Variants in MED13L observed in about 807,000 individuals in gnomAD.
The protein encoded by MED13L is mediator complex subunit 13L.
In MED13L, 7 loss-of-function variants were observed where a neutral mutation model predicts 220.9. The observed-to-expected ratio is 0.03, with a 90% CI of 0.02 to 0.06. The LOEUF (loss-of-function observed/expected upper bound fraction) is 0.06. Among genes scored for constraint, MED13L ranks in the 10% least tolerant of loss-of-function variants. The pLI is 1.00. For missense variants in MED13L, 1,965 were observed against 2,760.5 expected, an observed-to-expected ratio of 0.71 and a Z score of 6.46; for synonymous variants, 1,011 against 1,015.2, an observed-to-expected ratio of 1.00 and a Z score of 0.08.
chr12:116,056,809 C>T (rs1174223939), intron 4 of MED13L, among the ~76,000 whole-genome samples: 3 of 152,072 alleles, frequency 2.0e-5, no homozygotes, highest in East Asian at 3.9e-4. Flanking sequence ...TGCTCTAATT[C>T]AAATTGCTCT....
Position 116,007,654 on chromosome 12 carries a change from A to C in MED13L, c.2013-18T>G. 6.3e-7 allele frequency: 1 copy of C among 1,581,580 alleles called. No individual in the cohort carries two copies. Among genetic ancestry groups the C allele is most frequent in the Non-Finnish European group, 8.6e-7 (1 of 1,164,874 alleles). ...CTAAGAGTCTAAAAGACAAAAAAAAAAAAAAAAAAAAGAGCATTTATGCCT... is the reference window on the plus strand; with the variant it reads ...CTAAGAGTCTAAAAGACAAAAAAAACAAAAAAAAAAAGAGCATTTATGCCT... On this transcript the variant is annotated intron_variant, in intron 10 of 30. Transcript: ENST00000281928.
At chr12:116,052,102 C>CAT (rs1491047381) in intron 4 of MED13L, among the ~76,000 whole-genome samples, 1 of 149,800 alleles carries the variant, frequency 6.7e-6, no homozygotes, top group Non-Finnish European at 1.5e-5. Context: ...CACACACACA[C>CAT]ATAAAACTAT....
chr12:116,139,752 C>T (rs927583466), intron 2 of MED13L, among the ~76,000 whole-genome samples: 3 of 151,890 alleles, frequency 2.0e-5, no homozygotes, highest in Non-Finnish European at 4.4e-5. Flanking sequence ...GCCAGTACTC[C>T]TGAGGTCAGG....
intron 23 of MED13L, among the ~76,000 whole-genome samples, chr12:115,978,326 CTTTTTTTTT>C (rs60887652): frequency 3.4e-4 from 45 of 132,182 alleles, no homozygotes; most frequent in Admixed American, 5.3e-4. Flanking sequence ...AATTTTTTTT[CTTTTTTTTT>C]TTTTTTTTGG....
At chr12:116,003,222 A>G in intron 13 of MED13L, 120 bp from the exon 14 acceptor site, 4 of 795,162 alleles carry the variant, frequency 5.0e-6, no homozygotes, top group Non-Finnish European at 8.6e-6. Context: ...TACCAGGTGA[A>G]CCTCTAGAAA....
chr12:116,254,060 C>T (rs1404111292), intron 1 of MED13L, among the ~76,000 whole-genome samples: 1 of 151,934 alleles, frequency 6.6e-6, no homozygotes, highest in African/African-American at 2.4e-5. Context: ...GCCACTTTCA[C>T]GGTATTTTAA....
chr12:116,251,307 CCTT>C, intron 1 of MED13L, among the ~76,000 whole-genome samples: 1 of 111,860 alleles, frequency 8.9e-6, no homozygotes, highest in South Asian at 3.3e-4. Context: ...CATCATGGAT[CCTT>C]TTTTTTTTTT....
chr12:116,085,750 T>TCACACACACACACA (rs201331780), intron 4 of MED13L, among the ~76,000 whole-genome samples: 1 of 100,060 alleles, frequency 1.0e-5, no homozygotes. Context: ...AAGATTAAAA[T>TCACACACACACACA]CACTCACACA....
chr12:116,251,421 A>G (rs1442475716), intron 1 of MED13L, among the ~76,000 whole-genome samples: 1 of 142,428 alleles, frequency 7.0e-6, no homozygotes, highest in East Asian at 2.1e-4. Flanking sequence ...CGGTCTCCCA[A>G]AGTGCTGGGA....
chr12:116,022,347 T>C, intron 5 of MED13L, 109 bp downstream of exon 5: 1 of 1,323,590 alleles, frequency 7.6e-7, no homozygotes, highest in Non-Finnish European at 1.1e-6. Flanking sequence ...TATGCTTAGC[T>C]TTAAAATGTC....
chr12:116,121,356 G>GA (rs1281414403), intron 2 of MED13L, among the ~76,000 whole-genome samples: 1 of 151,944 alleles, frequency 6.6e-6, no homozygotes, highest in Non-Finnish European at 1.5e-5. Flanking sequence ...TTATTTGAAA[G>GA]AAAAAACATA....
intron 2 of MED13L, among the ~76,000 whole-genome samples, chr12:116,235,761 G>A (rs764665212): frequency 1.3e-5 from 2 of 152,132 alleles, no homozygotes; most frequent in East Asian, 1.9e-4. Flanking sequence ...GAACACTGAC[G>A]ATTTTCTCCG....
intron 27 of MED13L, among the ~76,000 whole-genome samples, chr12:115,969,579 CT>C (rs35927318): frequency 1.9e-3 from 270 of 143,200 alleles, no homozygotes; most frequent in Non-Finnish European, 1.5e-3. Context: ...TGTTTTCTCT[CT>C]TTTTTTTTTT....
intron 2 of MED13L, among the ~76,000 whole-genome samples, chr12:116,140,957 T>C (rs1877018134): frequency 6.6e-6 from 1 of 152,354 alleles, no homozygotes; most frequent in South Asian, 2.1e-4. Context: ...GTTGTGCTGT[T>C]TGTTTCCTTC....
intron 4 of MED13L, among the ~76,000 whole-genome samples, chr12:116,090,402 C>A: frequency 6.6e-6 from 1 of 152,176 alleles, no homozygotes; most frequent in East Asian, 1.9e-4. Flanking sequence ...AATTTTCCAA[C>A]TCTTGGGAAG....
At position 116,006,418 on chromosome 12, in the gene MED13L, A is replaced by G. The variant is rs144147395; in HGVS notation, c.2239-7T>C. 6.3e-5 allele frequency: 102 copies of G among 1,611,862 alleles called. No homozygotes were observed. In the African/African-American group the frequency reaches 1.1e-3, roughly 17 times the overall value. ...TACCAAATCCATCCTCTGACTGTAT[A>G]ATAAATTCAGCCAAACAAAACACAT... On this transcript the variant is annotated splice_polypyrimidine_tract_variant and splice_region_variant and intron_variant, in intron 11 of 30. Coordinates refer to ENST00000281928, the MANE Select transcript of MED13L (RefSeq NM_015335.5).
chr12:116,065,966 T>G (rs934652329), intron 4 of MED13L, among the ~76,000 whole-genome samples: 1 of 152,070 alleles, frequency 6.6e-6, no homozygotes, highest in African/African-American at 2.4e-5. Context: ...TGCTCTGCCT[T>G]GTGTGAGAAG....
At chr12:116,150,333 C>T (rs1877939482) in intron 2 of MED13L, among the ~76,000 whole-genome samples, 1 of 152,326 alleles carries the variant, frequency 6.6e-6, no homozygotes, top group South Asian at 2.1e-4. Flanking sequence ...AGCTTATCAA[C>T]GTACTCAAAT....
chr12:116,022,167 G>A (rs1438864009), intron 5 of MED13L, among the ~76,000 whole-genome samples: 1 of 152,100 alleles, frequency 6.6e-6, no homozygotes, highest in Non-Finnish European at 1.5e-5. Flanking sequence ...TATTTTTCAA[G>A]TATTTATTGA....
Sources: gnomAD v4.1 joint callset for allele counts (sites outside exome capture counted in the v4.1 genomes callset) on GRCh38, gnomAD v4.1.1 for gene constraint, MANE v1.5 for transcripts, NCBI Gene and HGNC (gene_info 2026-07-23, HGNC 2026-07-21) for gene names.